Variants in ZNF713 observed in about 807,000 individuals in gnomAD.
ZNF713 encodes zinc finger protein 713.
In ZNF713, 21 loss-of-function variants were observed where a neutral mutation model predicts 28.7. The observed-to-expected ratio is 0.73, with a 90% CI of 0.52 to 1.05. ZNF713 has a LOEUF of 1.05. Among genes scored for constraint, ZNF713 ranks in the 50% least tolerant of loss-of-function variants. The pLI is 0.00. For synonymous variants in ZNF713, 167 were observed against 178.0 expected, an observed-to-expected ratio of 0.94 and a Z score of 0.49; for missense variants, 458 against 532.4, an observed-to-expected ratio of 0.86 and a Z score of 1.37.
intron 4 of ZNF713, among the ~76,000 whole-genome samples, chr7:55,922,537 CAAA>C (rs71015126): frequency 1.4e-4 from 12 of 86,426 alleles, no homozygotes; most frequent in Admixed American, 4.1e-4. Flanking sequence ...GACTCTGTCT[CAAA>C]AAAAAAAAAA....
At position 55,940,226 on chromosome 7, in the gene ZNF713, G is replaced by A. The variant is rs893306351; in HGVS notation, c.*220G>A. ...CAACCTCTGCCACCTGGGTTCAAGC[G>A]ATTCTCCTGCCTCAGCCTCCTGAGT... On this transcript the variant is annotated 3_prime_UTR_variant, in exon 7 of 7. Transcript: ENST00000429591. 9.2e-6 allele frequency: 7 copies of A among 757,224 alleles called. No homozygotes were observed. Among genetic ancestry groups the A allele is most frequent in the Non-Finnish European group, 1.1e-5 (6 of 538,962 alleles). The allele number at this position is 757,224 out of a possible 1,614,324, so 46.9% of individuals were successfully genotyped here.
At chr7:55,889,625 A>T (rs1785342192) in intron 1 of ZNF713, among the ~76,000 whole-genome samples, 1 of 152,180 alleles carries the variant, frequency 6.6e-6, no homozygotes, top group South Asian at 2.1e-4. Context: ...TTCCTTAGTG[A>T]TGCCCTCAAA....
chr7:55,934,741 G>T (rs566674671), intron 6 of ZNF713, among the ~76,000 whole-genome samples: 1 of 152,246 alleles, frequency 6.6e-6, no homozygotes, highest in South Asian at 2.1e-4. Context: ...CTGGGCTCAA[G>T]CAGTCTGCCT....
intron 6 of ZNF713, among the ~76,000 whole-genome samples, chr7:55,938,723 A>G (rs911232842): frequency 1.3e-5 from 2 of 152,166 alleles, no homozygotes; most frequent in Non-Finnish European, 2.9e-5. Flanking sequence ...GCTTTCAAGC[A>G]TGGATACTCC....
At chr7:55,932,035 A>G (rs901240716) in intron 6 of ZNF713, among the ~76,000 whole-genome samples, 1 of 152,224 alleles carries the variant, frequency 6.6e-6, no homozygotes, top group Non-Finnish European at 1.5e-5. Context: ...TTGGCTGAAA[A>G]GAAAGTGTTC....
chr7:55,907,113 C>T (rs749928215), intron 2 of ZNF713, among the ~76,000 whole-genome samples: 9 of 152,006 alleles, frequency 5.9e-5, no homozygotes, highest in Non-Finnish European at 1.0e-4. Context: ...AGCTGAAGTC[C>T]CTTTTTAAAT....
chr7:55,905,735 C>T (rs1393374012), intron 1 of ZNF713, among the ~76,000 whole-genome samples: 10 of 152,068 alleles, frequency 6.6e-5, no homozygotes, highest in Non-Finnish European at 1.3e-4. Flanking sequence ...TAATGTATAG[C>T]CAATCAATAC....
chr7:55,938,002 G>C (rs960937021), intron 6 of ZNF713, among the ~76,000 whole-genome samples: 1 of 152,072 alleles, frequency 6.6e-6, no homozygotes, highest in Non-Finnish European at 1.5e-5. Context: ...TCAGGAGTTT[G>C]AGATCAGCCT....
At chr7:55,915,428 G>A (rs148149450) in intron 4 of ZNF713, among the ~76,000 whole-genome samples, 88 of 152,172 alleles carry the variant, frequency 5.8e-4, no homozygotes, top group African/African-American at 2.0e-3. Context: ...GAGAAAAATA[G>A]ACATGACCCC....
chr7:55,925,649 T>C (rs1786083294), intron 6 of ZNF713, among the ~76,000 whole-genome samples: 1 of 152,104 alleles, frequency 6.6e-6, no homozygotes, highest in Non-Finnish European at 1.5e-5. Context: ...AAGAAAACCT[T>C]GTTCCTGTTT....
At chr7:55,914,964 C>T (rs910703246) in intron 4 of ZNF713, among the ~76,000 whole-genome samples, 43 of 152,326 alleles carry the variant, frequency 2.8e-4, no homozygotes, top group African/African-American at 7.7e-4. Flanking sequence ...AAGTGATTCT[C>T]CTGCCTCAGC....
At chr7:55,904,683 C>CA (rs1291155186) in intron 1 of ZNF713, among the ~76,000 whole-genome samples, 1 of 151,806 alleles carries the variant, frequency 6.6e-6, no homozygotes, top group African/African-American at 2.4e-5. Context: ...ATGGTAGTTG[C>CA]AAAAGGGGTG....
At chr7:55,929,987 A>C (rs1233471588) in intron 6 of ZNF713, among the ~76,000 whole-genome samples, 1 of 152,150 alleles carries the variant, frequency 6.6e-6, no homozygotes, top group Non-Finnish European at 1.5e-5. Flanking sequence ...CTTAGGTCAA[A>C]AGAGCTGATC....
intron 6 of ZNF713, among the ~76,000 whole-genome samples, chr7:55,925,049 A>G (rs377645547): frequency 9.9e-5 from 15 of 150,898 alleles, no homozygotes; most frequent in African/African-American, 3.4e-4. Context: ...TTAGTTTCCT[A>G]TTTCTGGCAT....
chr7:55,895,874 T>C (rs1785464627), intron 1 of ZNF713, among the ~76,000 whole-genome samples: 1 of 152,178 alleles, frequency 6.6e-6, no homozygotes, highest in Non-Finnish European at 1.5e-5. Flanking sequence ...GATGAGGAAG[T>C]GGAAGCCTGG....
Position 55,923,699 on chromosome 7 carries a change from G to C in ZNF713, c.307G>C (p.Asp103His), listed in dbSNP as rs151202323. 4.7e-5 allele frequency: 76 copies of C among 1,610,530 alleles called. No homozygotes were observed. The highest frequency in any genetic ancestry group is 1.7e-4 in the Middle Eastern group (1 of 6,060). Residue 103 changes from aspartate to histidine, a missense_variant and splice_region_variant, in exon 6 of 7, where the codon GAT (aspartate) becomes CAT (histidine). Transcript: ENST00000429591. Reference sequence around the variant, plus strand: ...AGACAGCCTGCTGGATACTCATCCAGGTAAGTGCACACTCTTGGGCACTGC... The same window carrying C: ...AGACAGCCTGCTGGATACTCATCCACGTAAGTGCACACTCTTGGGCACTGC... The part of the protein sequence containing the change: ...ERDSLLDTHP[D>H]GENRPEIKKS...
intron 6 of ZNF713, among the ~76,000 whole-genome samples, chr7:55,926,734 G>C (rs953163944): frequency 2.0e-4 from 30 of 152,186 alleles, no homozygotes; most frequent in African/African-American, 7.0e-4. Context: ...AAGTGACAGG[G>C]GGATGATTGG....
In ZNF713 at chr7:55,940,035, A is replaced by G. The variant is rs1370323983; in HGVS notation, c.*29A>G. On this transcript the variant is annotated 3_prime_UTR_variant, in exon 7 of 7. Transcript: ENST00000429591. ...ATGGTGGGGGAAATCAGATAAATATATAAATGTAGGAGATTTTTTGGTCAG... is the reference window on the plus strand; with the variant it reads ...ATGGTGGGGGAAATCAGATAAATATGTAAATGTAGGAGATTTTTTGGTCAG... The G allele has an allele frequency of 2.6e-6, 4 of 1,522,774 alleles. No individual in the cohort carries two copies. Among genetic ancestry groups the G allele is most frequent in the African/African-American group, 2.8e-5 (2 of 71,902 alleles). 94.3% of individuals were successfully genotyped at this position (1,522,774 alleles called of 1,614,324 possible).
intron 4 of ZNF713, among the ~76,000 whole-genome samples, chr7:55,921,271 G>A (rs1466852514): frequency 6.6e-6 from 1 of 152,156 alleles, no homozygotes; most frequent in South Asian, 2.1e-4. Flanking sequence ...TGTACAAGAA[G>A]ACTAATGCTG....
Sources: allele counts gnomAD v4.1 joint callset (sites outside exome capture counted in the v4.1 genomes callset), GRCh38; gene constraint gnomAD v4.1.1; transcripts MANE v1.5; gene names NCBI Gene and HGNC (gene_info 2026-07-23, HGNC 2026-07-21).